ESX1: variants seen among roughly 807,000 people sequenced by gnomAD.
The protein encoded by ESX1 is ESX homeobox 1.
Under a neutral mutation model 13.2 loss-of-function variants are expected in ESX1, and 2 were observed. The ratio of observed to expected loss-of-function variants is 0.15; its 90% CI spans 0.06 to 0.48. The LOEUF (loss-of-function observed/expected upper bound fraction) is 0.48. Ranked by LOEUF, ESX1 falls within the 20% of genes least tolerant of loss-of-function variation. The pLI is 0.97. For synonymous variants in ESX1, 157 were observed against 163.1 expected (o/e 0.96, Z 0.29); for missense variants, 307 against 379.0 (o/e 0.81, Z 1.58).
chrX:104,254,234 G>C lies in ESX1; in HGVS notation c.426C>G (p.Arg142=), dbSNP rs140432334. 8.3e-7 allele frequency: 1 copy of C among 1,212,080 alleles called. No homozygotes were observed. The highest frequency in any genetic ancestry group is 1.1e-6 in the Non-Finnish European group (1 of 895,466). ...GCTGAAACTGCGTGAACGCGGTGCG[G>C]CGGCGGCGTTTCCTCTCTGGGGGCT... ...GPQPPERKRR[R]RTAFTQFQLQ... Residue 142 remains arginine (R), a synonymous_variant, in exon 2 of 4, where the codon CGC becomes CGG. Transcript: ENST00000372588.
At position 104,254,408 on chromosome X, in the gene ESX1, T is replaced by C. The variant is rs1200722617; in HGVS notation, c.252A>G (p.Gln84=). The C allele has an allele frequency of 1.3e-5, 16 of 1,210,051 alleles. No homozygotes were observed. Among genetic ancestry groups the C allele is most frequent in the South Asian group, 1.8e-5 (1 of 56,816 alleles). ...TGGTCAGGGGCGGCTCCTCCTGCTGTTGCTCCGGCTCGTGGCCGCCGCCAC... is the reference window on the plus strand; with the variant it reads ...TGGTCAGGGGCGGCTCCTCCTGCTGCTGCTCCGGCTCGTGGCCGCCGCCAC... ...REGGGGHEPE[Q]QQEEPPLTKP... is the part of the protein sequence containing the mutation. The change falls in exon 2 of 4, where the codon CAA becomes CAG. Residue 84 remains glutamine (Q), a synonymous_variant. Coordinates refer to ENST00000372588, the MANE Select transcript of ESX1 (RefSeq NM_153448.4).
chrX:104,250,799 A>C lies in ESX1; in HGVS notation c.650T>G (p.Met217Arg). The change falls in exon 4 of 4, where the codon ATG becomes AGG. Residue 217 changes from methionine to arginine, a missense_variant. Physicochemically the swap from Met to Arg is moderately conservative, Grantham distance 91. This residue lies in a region of ESX1 where 108 missense variants were observed against 147.5 expected (regional missense o/e 0.73). Coordinates refer to ENST00000372588, the MANE Select transcript of ESX1 (RefSeq NM_153448.4). ...AGCATAATAGGCCCCACCCAAGAAC[A>C]TGTCCAAAGGGTGGGCCAGGTCAGC... ...ATADLAHPLD[M>R]FLGGAYYAAP... 1 of 1,211,607 alleles carries C rather than the reference A, an allele frequency of 8.3e-7. No individual in the cohort carries two copies. Among genetic ancestry groups the C allele is most frequent in the Non-Finnish European group, 1.1e-6 (1 of 895,343 alleles).
Position 104,250,687 on chromosome X carries a change from G to T in ESX1, c.762C>A (p.Pro254=). 1 of 1,211,742 alleles carries T rather than the reference G, an allele frequency of 8.3e-7. No homozygotes were observed. Among genetic ancestry groups the T allele is most frequent in the Non-Finnish European group, 1.1e-6 (1 of 895,411 alleles). ...PPVLPVPPMP[P]RPPMVPMPPR... is the part of the protein sequence containing the mutation. ...GTGGCATAGGGACCATGGGTGGCCT[G>T]GGTGGCATAGGTGGCACAGGCAGCA... Residue 254 remains proline, a synonymous_variant, in exon 4 of 4, where the codon CCC becomes CCA. Transcript: ENST00000372588.
chrX:104,254,071 C>A, intron 2 of ESX1, 83 bp downstream of exon 2: 1 of 1,096,685 alleles, frequency 9.1e-7, no homozygotes, highest in Non-Finnish European at 1.2e-6. Flanking sequence ...GCGGAGGCAG[C>A]GCCCGTGAGC....
chrX:104,253,548 T>A (rs1457734559), intron 2 of ESX1, among the ~76,000 whole-genome samples: 10 of 111,664 alleles, frequency 9.0e-5, no homozygotes, highest in African/African-American at 3.2e-4. Flanking sequence ...CTAGGGAAAT[T>A]CTTTTTTGCT....
chrX:104,250,717 T>C lies in ESX1; in HGVS notation c.732A>G (p.Pro244=). The C allele has an allele frequency of 8.3e-7, 1 of 1,210,891 alleles. No homozygotes were observed. Among genetic ancestry groups the C allele is most frequent in the South Asian group, 1.8e-5 (1 of 56,952 alleles). Reference sequence around the variant, plus strand: ...GCATAGGTGGCACAGGCAGCACAGGTGGTCTAGGTAGTTGTGGCACCAGAT... The same window carrying C: ...GCATAGGTGGCACAGGCAGCACAGGCGGTCTAGGTAGTTGTGGCACCAGAT... ...CVHLVPQLPR[P]PVLPVPPMPP... is the part of the protein sequence containing the mutation. The change falls in exon 4 of 4, where the codon CCA becomes CCG. Residue 244 remains proline (P), a synonymous_variant. Transcript: ENST00000372588.
At position 104,250,272 on chromosome X, in the gene ESX1, A is replaced by T; in HGVS notation, c.1177T>A (p.Trp393Arg). The change falls in exon 4 of 4, where the codon TGG (tryptophan) becomes AGG (arginine). Residue 393 changes from tryptophan (W) to arginine (R), a missense_variant. Transcript: ENST00000372588. ...TAATAACTGTTGATGACAGGGGCCC[A>T]TGTGATGTGTACAGGAGCCAGGCCA... Reference protein sequence around the residue: ...HTGLAPVHITWAPVINSYYAC... With the variant: ...HTGLAPVHITRAPVINSYYAC... 8.3e-7 allele frequency: 1 copy of T among 1,209,490 alleles called. No individual in the cohort carries two copies. Among genetic ancestry groups the T allele is most frequent in the Non-Finnish European group, 1.1e-6 (1 of 894,099 alleles).
chrX:104,251,962 C>T (rs1416865445), intron 3 of ESX1, among the ~76,000 whole-genome samples: 1 of 112,202 alleles, frequency 8.9e-6, no homozygotes, highest in Non-Finnish European at 1.9e-5. Flanking sequence ...AATCTTTCCA[C>T]CCTTCTTAGG....
intron 2 of ESX1, 92 bp from the exon 3 acceptor site, chrX:104,252,920 C>A: frequency 1.2e-6 from 1 of 827,278 alleles, no homozygotes; most frequent in Non-Finnish European, 1.8e-6. Context: ...TTTGGGAGGC[C>A]GAAGAGGTTG....
chrX:104,252,162 C>G (rs1479672575), intron 3 of ESX1, among the ~76,000 whole-genome samples: 1 of 112,282 alleles, frequency 8.9e-6, no homozygotes, highest in Non-Finnish European at 1.9e-5. Flanking sequence ...GTACTGTGTT[C>G]TGTGTGTGAA....
In ESX1 at chrX:104,254,299, G is replaced by A; in HGVS notation, c.361C>T (p.Pro121Ser). Residue 121 changes from proline (P) to serine (S), a missense_variant, in exon 2 of 4, where the codon CCA becomes TCA. This residue lies in a region of ESX1 where 152 missense variants were observed against 114.5 expected (regional missense o/e 1.33). Transcript: ENST00000372588. ...EEPPQTTVEG[P>S]QPAEGPQTAE... ...GTTTGTGGCCCCTCCGCCGGCTGTG[G>A]CCCCTCCACGGTCGTCTGGGGCGGC... 8.3e-7 allele frequency: 1 copy of A among 1,211,771 alleles called. No individual in the cohort carries two copies. Among genetic ancestry groups the A allele is most frequent in the Non-Finnish European group, 1.1e-6 (1 of 895,498 alleles).
At chrX:104,252,134 C>CT (rs1251793176) in intron 3 of ESX1, among the ~76,000 whole-genome samples, 1 of 112,331 alleles carries the variant, frequency 8.9e-6, no homozygotes, top group African/African-American at 3.2e-5. Flanking sequence ...AAATTTAGGG[C>CT]TGCCACTCCC....
intron 2 of ESX1, among the ~76,000 whole-genome samples, chrX:104,253,823 C>G (rs782411957): frequency 2.0e-4 from 23 of 112,588 alleles, no homozygotes; most frequent in Non-Finnish European, 3.7e-4. Context: ...AAGAGTGAGG[C>G]GCTCGCCACG....
Position 104,250,052 on chromosome X carries a change from A to T in ESX1, c.*176T>A, listed in dbSNP as rs1160859774. 2.6e-5 allele frequency: 16 copies of T among 608,638 alleles called. No homozygotes were observed. The highest frequency in any genetic ancestry group is 3.8e-5 in the Non-Finnish European group (16 of 419,608). 50.2% of individuals were successfully genotyped at this position (608,638 alleles called of 1,213,427 possible). On this transcript the variant is annotated 3_prime_UTR_variant, in exon 4 of 4. Transcript: ENST00000372588. ...CAAAACCAACGTACTATTAAGTCACATCTTTATTGAAAATACTACAATTAT... is the reference window on the plus strand; with the variant it reads ...CAAAACCAACGTACTATTAAGTCACTTCTTTATTGAAAATACTACAATTAT...
intron 3 of ESX1, 135 bp downstream of exon 3, chrX:104,252,648 C>T (rs1262180999): frequency 6.8e-6 from 4 of 590,661 alleles, no homozygotes; most frequent in Non-Finnish European, 1.1e-5. Context: ...CCACTAAAGC[C>T]CCTACTGTTC....
At position 104,254,451 on chromosome X, in the gene ESX1, T is replaced by C. The variant is rs1556395400; in HGVS notation, c.209A>G (p.Asp70Gly). 3 of 1,210,577 alleles carry C rather than the reference T, an allele frequency of 2.5e-6. No individual in the cohort carries two copies. The highest frequency in any genetic ancestry group is 3.4e-6 in the Non-Finnish European group (3 of 895,338). ...GCCGCCACCCTCACGGTCTTGGTCG[T>C]CCGAGGGGACGGACCCTTCCGTGCC... ...NVGTEGSVPS[D>G]DQDREGGGGH... Residue 70 changes from aspartate (D) to glycine (G), a missense_variant, in exon 2 of 4, where the codon GAC (aspartate) becomes GGC (glycine). By Grantham distance (94) the Asp-to-Gly change is moderately conservative. Coordinates refer to ENST00000372588, the MANE Select transcript of ESX1 (RefSeq NM_153448.4).
Position 104,250,785 on chromosome X carries a change from C to T in ESX1, c.664G>A (p.Ala222Thr), listed in dbSNP as rs1923164341. 1 of 1,211,442 alleles carries T rather than the reference C, an allele frequency of 8.3e-7. No homozygotes were observed. The highest frequency in any genetic ancestry group is 1.1e-6 in the Non-Finnish European group (1 of 895,365). Reference protein sequence around the residue: ...AHPLDMFLGGAYYAAPALDPA... With the variant: ...AHPLDMFLGGTYYAAPALDPA... ...TCCAGAGCAGGAGCAGCATAATAGG[C>T]CCCACCCAAGAACATGTCCAAAGGG... The change falls in exon 4 of 4, where the codon GCC becomes ACC. Residue 222 changes from alanine (A) to threonine (T), a missense_variant. Coordinates refer to ENST00000372588, the MANE Select transcript of ESX1 (RefSeq NM_153448.4).
In ESX1 at chrX:104,250,834, G is replaced by A. The variant is rs1556394156; in HGVS notation, c.615C>T (p.Asn205=). The A allele has an allele frequency of 1.1e-5, 13 of 1,211,466 alleles. No individual in the cohort carries two copies. Among genetic ancestry groups the A allele is most frequent in the Non-Finnish European group, 1.5e-5 (13 of 895,261 alleles). ...GGTGGGCCAGGTCAGCAGTAGCAGT[G>A]TTTCTCAACATTAGCACCCTCTGAT... ...KRNQRVLMLR[N]TATADLAHPL... The change falls in exon 4 of 4, where the codon AAC becomes AAT. Residue 205 remains asparagine, a synonymous_variant. Transcript: ENST00000372588.
At chrX:104,252,710 A>G in intron 3 of ESX1, 73 bp downstream of exon 3, 1 of 1,014,125 alleles carries the variant, frequency 9.9e-7, no homozygotes, top group Non-Finnish European at 1.4e-6. Context: ...CAGCTTGAGA[A>G]TGTCCAGGAC....
Sources: gnomAD v4.1 joint callset for allele counts (sites outside exome capture counted in the v4.1 genomes callset) on GRCh38, gnomAD v4.1.1 for gene constraint, gnomAD v4.1.1 regional missense constraint, MANE v1.5 for transcripts, NCBI Gene and HGNC (gene_info 2026-07-23, HGNC 2026-07-21) for gene names.